The following NFU1 variants were observed in gnomAD, a reference collection of about 807,000 sequenced individuals.
NFU1 encodes the protein NFU1 iron-sulfur cluster scaffold homolog, mitochondrial.
A neutral mutation model predicts 32.2 loss-of-function variants in NFU1; 30 were observed. The ratio of observed to expected loss-of-function variants is 0.93; its 90% CI spans 0.70 to 1.26. The LOEUF (loss-of-function observed/expected upper bound fraction) is 1.26. NFU1 is among the 50% of genes most tolerant of loss of function. The probability of loss-of-function intolerance (pLI) is 0.00; values close to 1 mark genes in which losing one functional copy is unlikely to be tolerated. For missense variants in NFU1, 306 were observed against 306.6 expected (o/e 1.00, Z 0.02); for synonymous variants, 112 against 104.6 (o/e 1.07, Z -0.43).
upstream of NFU1, among the ~76,000 whole-genome samples, chr2:69,438,920 A>C (rs1342855227): frequency 1.9e-4 from 12 of 62,812 alleles, no homozygotes; most frequent in South Asian, 5.8e-3. Flanking sequence ...CCCCACACAC[A>C]CCCATTCTAG....
intron 1 of NFU1, chr2:69,437,146 A>C (rs890611793): frequency 6.8e-6 from 7 of 1,023,294 alleles, no homozygotes; most frequent in African/African-American, 1.6e-5. Context: ...CCTGAGAGGA[A>C]GCTCCAGAGA....
intron 5 of NFU1, 64 bp from the exon 6 acceptor site, chr2:69,406,146 T>C (rs1672689313): frequency 1.1e-6 from 1 of 930,652 alleles, no homozygotes; most frequent in Middle Eastern, 2.1e-4. Context: ...AGTACGAGTA[T>C]TAAAACAGAA....
upstream of NFU1, among the ~76,000 whole-genome samples, chr2:69,439,240 C>T (rs561055129): frequency 6.6e-6 from 1 of 152,306 alleles, no homozygotes; most frequent in East Asian, 1.9e-4. Flanking sequence ...CCACCCACAG[C>T]CTCTGTGCTA....
intron 6 of NFU1, among the ~76,000 whole-genome samples, chr2:69,403,410 AGACAGGGTCTTGT>A (rs1013337009): frequency 2.0e-5 from 3 of 148,852 alleles, no homozygotes; most frequent in African/African-American, 7.5e-5. Flanking sequence ...TTTTCTGGTG[AGACAGGGTCTTGT>A]TCTATCTCCT....
intron 1 of NFU1, 120 bp downstream of exon 1, chr2:69,437,241 C>T: frequency 6.7e-7 from 1 of 1,492,186 alleles, no homozygotes; most frequent in Non-Finnish European, 8.9e-7. Context: ...ACAGGGCGGA[C>T]CCGCCGGCTC....
Position 69,396,370 on chromosome 2 carries a change from C to A in NFU1, c.721-80G>T, listed in dbSNP as rs1172535448. The A allele has an allele frequency of 6.1e-6, 6 of 985,344 alleles. No homozygotes were observed. The South Asian group carries it at 8.1e-5, about 13-fold the overall frequency. The allele number at this position is 985,344 out of a possible 1,614,324, so 61.0% of individuals were successfully genotyped here. A position where few individuals can be genotyped will look rare whatever the true frequency, so the allele number is the denominator to read the frequency against. On this transcript the variant is annotated intron_variant, in intron 7 of 7. Coordinates refer to ENST00000410022, the MANE Select transcript of NFU1 (RefSeq NM_001002755.4). ...TGTTTTCCTGATTTTAATATTACTTCTTTACCTGATACACTCTATAATGAG... is the reference window on the plus strand; with the variant it reads ...TGTTTTCCTGATTTTAATATTACTTATTTACCTGATACACTCTATAATGAG...
chr2:69,429,037 G>A (rs767290681), intron 2 of NFU1, among the ~76,000 whole-genome samples: 8 of 152,008 alleles, frequency 5.3e-5, no homozygotes, highest in Non-Finnish European at 8.8e-5. Context: ...AAAAATAGCC[G>A]CAATGTCCAA....
At chr2:69,424,198 A>AAAAAAAATAGATATATAT (rs1558840147) in intron 2 of NFU1, among the ~76,000 whole-genome samples, 1 of 74,544 alleles carries the variant, frequency 1.3e-5, no homozygotes, top group African/African-American at 5.3e-5. Flanking sequence ...AAAAAAAAAA[A>AAAAAAAATAGATATATAT]ATATATATAT....
At chr2:69,423,531 C>A in intron 3 of NFU1, 51 bp downstream of exon 3, 1 of 1,559,988 alleles carries the variant, frequency 6.4e-7, no homozygotes, top group Non-Finnish European at 8.8e-7. Flanking sequence ...ACCCCAAAGT[C>A]AGTTAGTTAT....
chr2:69,405,911 T>C, intron 6 of NFU1, 111 bp downstream of exon 6: 1 of 750,166 alleles, frequency 1.3e-6, no homozygotes, highest in South Asian at 1.5e-5. Flanking sequence ...TTACATTAAC[T>C]TGCACTTATT....
At chr2:69,417,221 G>C (rs1236777832) in intron 4 of NFU1, among the ~76,000 whole-genome samples, 2 of 152,084 alleles carry the variant, frequency 1.3e-5, no homozygotes, top group Admixed American at 1.3e-4. Flanking sequence ...GCATAAAGAA[G>C]TCTAATTATC....
Position 69,396,174 on chromosome 2 carries a change from T to C in NFU1, c.*72A>G, listed in dbSNP as rs1417257378. On this transcript the variant is annotated 3_prime_UTR_variant, in exon 8 of 8. Transcript: ENST00000410022. ...TTATTAATCTTCAAGTTCCTCAGCA[T>C]ATTAATAATAAAAACTTGATATATA... 1 of 1,160,106 alleles carries C rather than the reference T, an allele frequency of 8.6e-7. No homozygotes were observed. The allele number at this position is 1,160,106 out of a possible 1,614,324, so 71.9% of individuals were successfully genotyped here. A position where few individuals can be genotyped will look rare whatever the true frequency, so the allele number is the denominator to read the frequency against.
At chr2:69,396,616 G>GGGCAA (rs1298944371) in intron 7 of NFU1, among the ~76,000 whole-genome samples, 1 of 151,486 alleles carries the variant, frequency 6.6e-6, no homozygotes, top group Non-Finnish European at 1.5e-5. Flanking sequence ...TCGCGCCACT[G>GGGCAA]CACTCCAGCG....
At chr2:69,433,249 G>T (rs1673709193) in intron 1 of NFU1, among the ~76,000 whole-genome samples, 1 of 151,428 alleles carries the variant, frequency 6.6e-6, no homozygotes, top group Admixed American at 6.6e-5. Flanking sequence ...CACAATCTCG[G>T]CTCACTGCAA....
At chr2:69,423,797 A>G in intron 2 of NFU1, 80 bp from the exon 3 acceptor site, 1 of 1,035,930 alleles carries the variant, frequency 9.7e-7, no homozygotes, top group Admixed American at 2.1e-5. Flanking sequence ...TCATTTGCAG[A>G]GAATCAGAAG....
chr2:69,437,450 C>T (rs1450624472), upstream of NFU1: 4 of 1,606,590 alleles, frequency 2.5e-6, no homozygotes, highest in East Asian at 6.7e-5. Context: ...AAGGGTCTCC[C>T]TGACAGAACC....
At position 69,400,534 on chromosome 2, in the gene NFU1, T is replaced by C. The variant is rs1455686870; in HGVS notation, c.550A>G (p.Thr184Ala). The C allele has an allele frequency of 2.5e-6, 4 of 1,613,926 alleles. No individual in the cohort carries two copies. The highest frequency in any genetic ancestry group is 4.5e-5 in the East Asian group (2 of 44,882). The change falls in exon 7 of 8, where the codon ACT (threonine) becomes GCT (alanine). Residue 184 changes from threonine to alanine, a missense_variant. Physicochemically the swap from Thr to Ala is moderately conservative, Grantham distance 58. Coordinates refer to ENST00000410022, the MANE Select transcript of NFU1 (RefSeq NM_001002755.4). ...ACATCCCCTCCATCTTCCTGCACAG[T>C]TGGCCTGTGAGGTCAAAGAATATTT... Reference protein sequence around the residue: ...KELLDTRIRPTVQEDGGDVIY... With the variant: ...KELLDTRIRPAVQEDGGDVIY...
In NFU1 at chr2:69,413,634, C is replaced by T. The variant is rs558681778; in HGVS notation, c.484+1551G>A. 4.6e-4 allele frequency among the ~76,000 whole-genome samples: 70 copies of T among 152,280 alleles called. 1 individual carries two copies. In the South Asian group the frequency reaches 0.014, roughly 30 times the overall value. ...ACTAGCTGGGCGTGGTGGTGCATGC[C>T]TGTAATCCCAGCCACTCGGGAGGCT... On this transcript the variant is annotated intron_variant, in intron 5 of 7. Coordinates refer to ENST00000410022, the MANE Select transcript of NFU1 (RefSeq NM_001002755.4).
chr2:69,398,600 A>G (rs1371337557), intron 7 of NFU1, among the ~76,000 whole-genome samples: 3 of 152,236 alleles, frequency 2.0e-5, no homozygotes, highest in Admixed American at 6.5e-5. Flanking sequence ...TGCCTTTTCC[A>G]GAGGGGCTGA....
Sources: gnomAD v4.1 joint callset for allele counts (sites outside exome capture counted in the v4.1 genomes callset) on GRCh38, gnomAD v4.1.1 for gene constraint, MANE v1.5 for transcripts, NCBI Gene and HGNC (gene_info 2026-07-23, HGNC 2026-07-21) for gene names.